Variants in VPS13D observed in about 807,000 individuals in gnomAD.
VPS13D encodes intermembrane lipid transfer protein VPS13D.
A neutral mutation model predicts 461.9 loss-of-function variants in VPS13D; 187 were observed. The ratio of observed to expected loss-of-function variants is 0.40; its 90% CI spans 0.36 to 0.46. The LOEUF is 0.46. Ranked by LOEUF, VPS13D falls within the 20% of genes least tolerant of loss-of-function variation. The probability of loss-of-function intolerance (pLI) is 0.60; values close to 1 mark genes in which losing one functional copy is unlikely to be tolerated. For missense variants in VPS13D, 4,711 were observed against 5,364.9 expected, an observed-to-expected ratio of 0.88 and a Z score of 3.81; for synonymous variants, 1,951 against 1,986.3, an observed-to-expected ratio of 0.98 and a Z score of 0.47.
At chr1:12,480,013 C>T (rs947144898) in intron 67 of VPS13D, among the ~76,000 whole-genome samples, 3 of 152,120 alleles carry the variant, frequency 2.0e-5, no homozygotes, top group Non-Finnish European at 4.4e-5. Context: ...CAGCAGTGGG[C>T]CTGAGCATGG....
rs781620017 is a variant in VPS13D at position 12,308,523 on chromosome 1, G to A, written c.6532G>A (p.Ala2178Thr). 1.2e-6 allele frequency: 2 copies of A among 1,614,138 alleles called. No homozygotes were observed. The highest frequency in any genetic ancestry group is 1.6e-4 in the Middle Eastern group (1 of 6,062). ...GAGACATCCGAGAGAATACTCGAAG[G>A]CACCAGAGGATAGTAGTGGAGATCT... ...AERHPREYSK[A>T]PEDSSGDLIF... is the part of the protein sequence containing the mutation. The change falls in exon 27 of 70, where the codon GCA becomes ACA. Residue 2178 changes from alanine (A) to threonine (T), a missense_variant. Ala to Thr is a moderately conservative substitution (Grantham distance 58, BLOSUM62 0). Around this residue, in one of 3 missense-constraint regions of VPS13D, gnomAD observed 4,411 missense variants for 4,937.8 expected, o/e 0.89. Transcript: ENST00000620676.
intron 65 of VPS13D, among the ~76,000 whole-genome samples, chr1:12,424,475 C>T (rs899994244): frequency 5.3e-5 from 8 of 152,070 alleles, no homozygotes; most frequent in Non-Finnish European, 1.2e-4. Flanking sequence ...TTGTGGGGGC[C>T]GGGGTAGAGT....
Position 12,495,993 on chromosome 1 carries a change from G to T in VPS13D, c.12663-1507G>T, listed in dbSNP as rs1049159068. Among the ~76,000 whole-genome samples, 2 of 152,174 alleles carry T rather than the reference G, an allele frequency of 1.3e-5. No individual in the cohort carries two copies. The highest frequency in any genetic ancestry group is 1.9e-4 in the East Asian group (1 of 5,192). On this transcript the variant is annotated intron_variant, in intron 67 of 69. Coordinates refer to ENST00000620676, the MANE Select transcript of VPS13D (RefSeq NM_015378.4). The surrounding 1 kb of genome is among the most constrained non-coding windows in gnomAD (Gnocchi z 4.0). Reference sequence around the variant, plus strand: ...CTTCTCTCCTGATGGGTTAGCAGCGGCCCCTCTACCGCCCTCCCCACTTTC... The same window carrying T: ...CTTCTCTCCTGATGGGTTAGCAGCGTCCCCTCTACCGCCCTCCCCACTTTC...
At chr1:12,382,909 A>G (rs1644301776) in intron 57 of VPS13D, 67 bp from the exon 58 acceptor site, 4 of 1,428,230 alleles carry the variant, frequency 2.8e-6, no homozygotes, top group Non-Finnish European at 3.8e-6. Flanking sequence ...GTTTGAAATG[A>G]TGTGTTAACT....
chr1:12,352,886 AC>A (rs1403204313), intron 46 of VPS13D, among the ~76,000 whole-genome samples: 2 of 143,140 alleles, frequency 1.4e-5, no homozygotes, highest in East Asian at 4.5e-4. Flanking sequence ...AATGGCTTGA[AC>A]CCAGGAGGCA....
chr1:12,308,183 G>A (rs955006798), intron 26 of VPS13D, among the ~76,000 whole-genome samples: 10 of 152,062 alleles, frequency 6.6e-5, no homozygotes, highest in Admixed American at 1.3e-4. Flanking sequence ...ACTGTGACGC[G>A]GTCTGTGCTT....
At chr1:12,432,721 G>T (rs1054843844) in intron 65 of VPS13D, among the ~76,000 whole-genome samples, 1 of 151,456 alleles carries the variant, frequency 6.6e-6, no homozygotes, top group African/African-American at 2.4e-5. Flanking sequence ...CCGGCCTCCT[G>T]AGTAGCTGGG....
chr1:12,342,449 C>T (rs535705822), intron 41 of VPS13D, among the ~76,000 whole-genome samples: 1 of 152,172 alleles, frequency 6.6e-6, no homozygotes, highest in Non-Finnish European at 1.5e-5. Context: ...ACATGGTGGT[C>T]GTTCCAGCTG....
chr1:12,241,117 A>G (rs1477825312), intron 2 of VPS13D, among the ~76,000 whole-genome samples: 1 of 151,444 alleles, frequency 6.6e-6, no homozygotes, highest in East Asian at 1.9e-4. Context: ...ATTTTTAAAA[A>G]TTTATTGTAG....
At chr1:12,363,917 C>T (rs1643990436) in intron 52 of VPS13D, among the ~76,000 whole-genome samples, 9 of 119,288 alleles carry the variant, frequency 7.5e-5, no homozygotes, top group Admixed American at 6.8e-4. Flanking sequence ...CACGCCACTG[C>T]ACTCCAGTCA....
chr1:12,322,663 C>G lies in VPS13D; in HGVS notation c.7832C>G (p.Ser2611Cys). 6.2e-7 allele frequency: 1 copy of G among 1,614,248 alleles called. No homozygotes were observed. The change falls in exon 34 of 70, where the codon TCC becomes TGC. Residue 2611 changes from serine to cysteine, a missense_variant. Ser to Cys is a moderately radical substitution (Grantham distance 112). Transcript: ENST00000620676. The stretch of plus-strand genomic sequence containing the variant: ...GACTCAGTGGCCCTGGAGTCAGACT[C>G]CGTTGGCACTTACCTTCCAGGTGCA... ...VPDSVALESD[S>C]VGTYLPGASR...
intron 65 of VPS13D, among the ~76,000 whole-genome samples, chr1:12,444,358 C>T (rs192287509): frequency 2.6e-5 from 4 of 152,104 alleles, no homozygotes; most frequent in Admixed American, 2.0e-4. Context: ...TAATATGCCT[C>T]GATATGATTC....
chr1:12,391,191 G>A (rs1333810254), intron 60 of VPS13D, among the ~76,000 whole-genome samples: 4 of 152,184 alleles, frequency 2.6e-5, no homozygotes, highest in Admixed American at 1.3e-4. Context: ...TGCACTGCTC[G>A]AAGTTCTGCT....
chr1:12,376,520 C>A (rs559670509), intron 55 of VPS13D, among the ~76,000 whole-genome samples: 2 of 152,314 alleles, frequency 1.3e-5, no homozygotes, highest in African/African-American at 4.8e-5. Context: ...ACACTTATCA[C>A]AAAAACCATG....
At chr1:12,426,080 T>G (rs1439288060) in intron 65 of VPS13D, among the ~76,000 whole-genome samples, 1 of 152,260 alleles carries the variant, frequency 6.6e-6, no homozygotes, top group Non-Finnish European at 1.5e-5. Context: ...TCTGGAAATC[T>G]CTAATCTAGT....
At chr1:12,264,746 G>A (rs996722751) in intron 13 of VPS13D, among the ~76,000 whole-genome samples, 1 of 152,220 alleles carries the variant, frequency 6.6e-6, no homozygotes, top group Non-Finnish European at 1.5e-5. Flanking sequence ...AGTGCTGATG[G>A]GGAAGCTGCA....
intron 50 of VPS13D, among the ~76,000 whole-genome samples, chr1:12,359,709 C>A (rs1045177830): frequency 6.6e-6 from 1 of 152,076 alleles, no homozygotes; most frequent in Non-Finnish European, 1.5e-5. Flanking sequence ...GTATAGTTTC[C>A]TCTTTGGATT....
At chr1:12,349,044 C>T in intron 45 of VPS13D, 71 bp downstream of exon 45, 1 of 1,609,400 alleles carries the variant, frequency 6.2e-7, no homozygotes, top group East Asian at 2.2e-5. Context: ...GTCTCTTTTT[C>T]CCCAGTGGTA....
chr1:12,458,784 C>T (rs1645365156), intron 66 of VPS13D, among the ~76,000 whole-genome samples: 1 of 152,210 alleles, frequency 6.6e-6, no homozygotes, highest in Admixed American at 6.5e-5. Context: ...CCTGGAGATG[C>T]TCCCTAGACG....
Sources: allele counts gnomAD v4.1 joint callset (sites outside exome capture counted in the v4.1 genomes callset), GRCh38; gene constraint gnomAD v4.1.1; regional missense constraint gnomAD v4.1.1; non-coding constraint Gnocchi (gnomAD v3.1); transcripts MANE v1.5; gene names NCBI Gene and HGNC (gene_info 2026-07-23, HGNC 2026-07-21).